Variants in SP140 observed in about 807,000 individuals in gnomAD.
SP140 encodes nuclear body protein SP140.
A neutral mutation model predicts 125.0 loss-of-function variants in SP140; 81 were observed. The ratio of observed to expected loss-of-function variants is 0.65; its 90% CI spans 0.54 to 0.78. The LOEUF is 0.78. SP140 is among the 30% of genes least tolerant of loss of function. The pLI is 0.00. For missense variants in SP140, 858 were observed against 1,037.0 expected, an observed-to-expected ratio of 0.83 and a Z score of 2.37; for synonymous variants, 312 against 354.0, an observed-to-expected ratio of 0.88 and a Z score of 1.33.
chr2:230,266,674 CA>C (rs1397073190), intron 12 of SP140, among the ~76,000 whole-genome samples: 3 of 152,316 alleles, frequency 2.0e-5, no homozygotes, highest in Middle Eastern at 3.4e-3. Context: ...AGGTTGTTGA[CA>C]TAATCCAGTT....
chr2:230,269,772 A>C, intron 13 of SP140, 65 bp from the exon 14 acceptor site: 1 of 1,300,520 alleles, frequency 7.7e-7, no homozygotes, highest in African/African-American at 1.5e-5. Context: ...GGGAGCAACA[A>C]GGGTGCAGAA....
In SP140 at chr2:230,241,372, G is replaced by C. The variant is rs144617391; in HGVS notation, c.407-32G>C. 66 of 1,350,552 alleles carry C rather than the reference G, an allele frequency of 4.9e-5. No individual in the cohort carries two copies. In the African/African-American group the frequency reaches 7.3e-4, roughly 15 times the overall value. The allele number at this position is 1,350,552 out of a possible 1,614,324, so 83.7% of individuals were successfully genotyped here. A position where few individuals can be genotyped will look rare whatever the true frequency, so the allele number is the denominator to read the frequency against. The stretch of plus-strand genomic sequence containing the variant: ...GAGGTCTCTCCTCTGGTCACTGTCT[G>C]AGTTTGGTAATTTTCACATTGTTTT... On this transcript the variant is annotated intron_variant, in intron 3 of 26. Coordinates refer to ENST00000392045, the MANE Select transcript of SP140 (RefSeq NM_007237.5).
At chr2:230,278,459 A>G (rs541467622) in intron 15 of SP140, among the ~76,000 whole-genome samples, 2 of 152,044 alleles carry the variant, frequency 1.3e-5, no homozygotes, top group African/African-American at 4.8e-5. Flanking sequence ...TTGCCTTTTC[A>G]TTTTTACAAT....
chr2:230,203,503 C>G (rs886297559), intron 1 of SP140: 1 of 152,254 alleles, frequency 6.6e-6, no homozygotes, highest in African/African-American at 2.4e-5. Flanking sequence ...GGGGCGGAAG[C>G]GAAAGCCCGG....
chr2:230,314,373 T>C (rs1302324543), downstream of SP140, among the ~76,000 whole-genome samples: 1 of 152,200 alleles, frequency 6.6e-6, no homozygotes, highest in African/African-American at 2.4e-5. Flanking sequence ...CCGAAGGAGC[T>C]GTAGGACTGG....
chr2:230,255,547 G>C lies in SP140; in HGVS notation c.1240+15G>C, dbSNP rs566176495. On this transcript the variant is annotated intron_variant, in intron 12 of 26. Transcript: ENST00000392045. ...ACGTGGGTCAGGTAAGGACGGGGGG[G>C]GGGATTTCTGGCCCTGGGCTGCAGA... 2.0e-4 allele frequency: 324 copies of C among 1,610,050 alleles called. 1 individual carries two copies. Among genetic ancestry groups the C allele is most frequent in the South Asian group, 1.1e-3 (102 of 90,956 alleles).
intron 22 of SP140, among the ~76,000 whole-genome samples, chr2:230,306,960 G>A (rs747013436): frequency 1.3e-5 from 2 of 152,244 alleles, no homozygotes; most frequent in Non-Finnish European, 2.9e-5. Flanking sequence ...GTGGGAACTT[G>A]TAATGCCTTT....
At chr2:230,267,662 A>G (rs371244248) in intron 12 of SP140, among the ~76,000 whole-genome samples, 15 of 152,176 alleles carry the variant, frequency 9.9e-5, no homozygotes, top group African/African-American at 3.6e-4. Context: ...GGAAGTGAAC[A>G]TTTTGTCGGG....
intron 22 of SP140, among the ~76,000 whole-genome samples, chr2:230,298,221 C>A (rs1272609932): frequency 1.3e-5 from 2 of 152,150 alleles, no homozygotes; most frequent in African/African-American, 4.8e-5. Context: ...ATGGATGAGT[C>A]CCTTCTCTAA....
chr2:230,190,298 T>A, the SP140 span, among the ~76,000 whole-genome samples: 1 of 152,242 alleles, frequency 6.6e-6, no homozygotes, highest in African/African-American at 2.4e-5. Flanking sequence ...AATTCTCTGA[T>A]GATCAGTGAT....
chr2:230,256,379 T>C (rs563413587), intron 12 of SP140, among the ~76,000 whole-genome samples: 1 of 152,092 alleles, frequency 6.6e-6, no homozygotes, highest in East Asian at 1.9e-4. Flanking sequence ...TGTAGGGACA[T>C]GGATGAAGCT....
intron 21 of SP140, among the ~76,000 whole-genome samples, chr2:230,296,378 G>C (rs1325961691): frequency 6.6e-6 from 1 of 152,242 alleles, no homozygotes; most frequent in South Asian, 2.1e-4. Flanking sequence ...AATCACACTT[G>C]TTTATGGCCT....
intron 3 of SP140, chr2:230,238,679 G>A: frequency 9.0e-7 from 1 of 1,116,800 alleles, no homozygotes. Context: ...ATACATGAGT[G>A]ATGTCTTTTC....
At chr2:230,244,313 C>G (rs1301997841) in intron 5 of SP140, among the ~76,000 whole-genome samples, 1 of 152,136 alleles carries the variant, frequency 6.6e-6, no homozygotes, top group Non-Finnish European at 1.5e-5. Context: ...TATTTTATAG[C>G]TAAATAAAGT....
chr2:230,315,316 G>A (rs2059477453), downstream of SP140, among the ~76,000 whole-genome samples: 1 of 152,136 alleles, frequency 6.6e-6, no homozygotes. Context: ...AGGGCTCTAT[G>A]GCCATTTATT....
At chr2:230,295,690 G>A (rs952008499) in intron 21 of SP140, among the ~76,000 whole-genome samples, 12 of 152,270 alleles carry the variant, frequency 7.9e-5, no homozygotes, top group Non-Finnish European at 8.8e-5. Context: ...TTGGCTTTAG[G>A]AAATTTCAGT....
chr2:230,237,064 T>A lies in SP140; in HGVS notation c.60-19T>A. The A allele has an allele frequency of 6.5e-7, 1 of 1,549,116 alleles. No homozygotes were observed. Among genetic ancestry groups the A allele is most frequent in the Non-Finnish European group, 8.7e-7 (1 of 1,150,260 alleles). The stretch of plus-strand genomic sequence containing the variant: ...TGGAAACTCAGTGTCTACTTCCACG[T>A]TGTATCTTTGTTTCTTAGGATGGTC... On this transcript the variant is annotated intron_variant, in intron 1 of 26. Coordinates refer to ENST00000392045, the MANE Select transcript of SP140 (RefSeq NM_007237.5). The surrounding 1 kb of genome is among the most constrained non-coding windows in gnomAD (Gnocchi z 5.4).
rs1385377290 is a variant in SP140 at position 230,212,745 on chromosome 2, G to A, written c.-322-909G>A. The A allele has an allele frequency of 2.5e-6, 4 of 1,613,644 alleles. No homozygotes were observed. Among genetic ancestry groups the A allele is most frequent in the African/African-American group, 1.3e-5 (1 of 74,908 alleles). ...GGCTGAGGATATACAGGTGTTGGAT[G>A]GGATCTGTTTCTCACCTGAAGTGCT... On this transcript the variant is annotated intron_variant, in intron 1 of 4. Coordinates refer to the SP140 transcript ENST00000456542.
chr2:230,295,912 A>T (rs2057667518), intron 21 of SP140, among the ~76,000 whole-genome samples: 1 of 152,226 alleles, frequency 6.6e-6, no homozygotes, highest in Non-Finnish European at 1.5e-5. Flanking sequence ...GCACACACTA[A>T]ATGCCAATGG....
Sources: gnomAD v4.1 joint callset for allele counts (sites outside exome capture counted in the v4.1 genomes callset) on GRCh38, gnomAD v4.1.1 for gene constraint, Gnocchi (gnomAD v3.1) non-coding constraint, MANE v1.5 for transcripts, NCBI Gene and HGNC (gene_info 2026-07-23, HGNC 2026-07-21) for gene names.